The following GRTP1 variants were observed in gnomAD, a reference collection of about 807,000 sequenced individuals.
The protein encoded by GRTP1 is growth hormone-regulated TBC protein 1.
GRTP1 carries 56 observed loss-of-function variants against 38.1 expected under a neutral mutation model. The ratio of observed to expected loss-of-function variants is 1.47; its 90% CI spans 1.19 to 1.84. The LOEUF is 1.84. GRTP1 is among the 40% of genes most tolerant of loss of function. GRTP1 has a pLI of 0.00. For synonymous variants in GRTP1, 217 were observed against 189.5 expected (o/e 1.14, Z -1.19); for missense variants, 506 against 453.9 (o/e 1.11, Z -1.04).
In GRTP1 at chr13:113,348,430, G is replaced by A. The variant is rs61522749; in HGVS notation, c.465+2419C>T. On this transcript the variant is annotated intron_variant, in intron 4 of 7. Coordinates refer to ENST00000375431, the MANE Select transcript of GRTP1 (RefSeq NM_024719.4). The surrounding 1 kb of genome is among the most constrained non-coding windows in gnomAD (Gnocchi z 4.8). ...CACGCCACTGCACTCCAGCCTGGGT[G>A]ACAGAGCGAGACCGTGTGCACTGTG... 9.6e-3 allele frequency among the ~76,000 whole-genome samples: 1,456 copies of A among 152,274 alleles called. 37 individuals are homozygous for A. The highest frequency in any genetic ancestry group is 0.052 in the East Asian group (267 of 5,168).
Position 113,325,968 on chromosome 13 carries a change from A to C in GRTP1, c.686T>G (p.Leu229Arg). The C allele has an allele frequency of 1.9e-6, 3 of 1,613,876 alleles. No homozygotes were observed. Among genetic ancestry groups the C allele is most frequent in the Non-Finnish European group, 2.5e-6 (3 of 1,179,956 alleles). Residue 229 changes from leucine to arginine, a missense_variant, in exon 6 of 8, where the codon CTG (leucine) becomes CGG (arginine). Transcript: ENST00000375431. The part of the protein sequence containing the change: ...MERLGVLWTL[L>R]VSRWFICLFV... ...CAGGCAGATGAACCAGCGGGACACCAGCAGCGTCCACAGCACACCGAGACG... is the reference window on the plus strand; with the variant it reads ...CAGGCAGATGAACCAGCGGGACACCCGCAGCGTCCACAGCACACCGAGACG...
chr13:113,330,740 G>T lies in GRTP1; in HGVS notation c.563-4649C>A. Among the ~76,000 whole-genome samples the T allele has an allele frequency of 3.1e-4, 17 of 55,164 alleles. 8 individuals carry two copies. The highest frequency in any genetic ancestry group is 2.0e-3 in the South Asian group (2 of 1,018). 36.2% of individuals were successfully genotyped at this position (55,164 alleles called of 152,430 possible). ...GGTGTGTGCATGGAAACCCAGGTGT[G>T]TGCATGGGAGCCCAGGTGTGTGCGT... On this transcript the variant is annotated intron_variant, in intron 5 of 7. Coordinates refer to ENST00000375431, the MANE Select transcript of GRTP1 (RefSeq NM_024719.4).
chr13:113,324,884 T>C, intron 7 of GRTP1: 1 of 880,270 alleles, frequency 1.1e-6, no homozygotes, highest in Non-Finnish European at 1.4e-6. Flanking sequence ...TGGAGTGCAG[T>C]GGCGCGATCT....
chr13:113,352,900 C>T (rs918059456), intron 3 of GRTP1, among the ~76,000 whole-genome samples: 12 of 152,200 alleles, frequency 7.9e-5, no homozygotes, highest in African/African-American at 2.9e-4. Context: ...TAGGTAGGAG[C>T]CCACAGCTGA....
chr13:113,337,670 C>G (rs367730684), intron 5 of GRTP1, among the ~76,000 whole-genome samples: 6 of 152,364 alleles, frequency 3.9e-5, no homozygotes, highest in South Asian at 2.1e-4. Flanking sequence ...CCTGGTGACT[C>G]AGCGCAATCT....
Position 113,346,115 on chromosome 13 carries a change from CGGG to C in GRTP1, c.466-1159_466-1157del, listed in dbSNP as rs1566429189. On this transcript the variant is annotated intron_variant, in intron 4 of 7. Transcript: ENST00000375431. ...AGACATCTGTGGCCGAGAACAGACC[CGGG>C]AGGACCTCTGTGGACAAGAGCAGAC... 1.8e-4 allele frequency among the ~76,000 whole-genome samples: 23 copies of C among 124,672 alleles called. 3 individuals carry two copies. In the East Asian group the frequency reaches 1.9e-3, roughly 10 times the overall value. 81.8% of individuals were successfully genotyped at this position (124,672 alleles called of 152,430 possible).
rs1566425919 is a variant in GRTP1 at position 113,343,168 on chromosome 13, AAGC to A, written c.562+1692_562+1694del. Among the ~76,000 whole-genome samples the A allele has an allele frequency of 2.0e-5, 3 of 152,200 alleles. No homozygotes were observed. The highest frequency in any genetic ancestry group is 4.4e-5 in the Non-Finnish European group (3 of 68,028). ...CATGATTTGCACTCAGACATAACCG[AAGC>A]AGGCTGTGAGCCCGTTTCCATGTCC... On this transcript the variant is annotated intron_variant, in intron 5 of 7. Transcript: ENST00000375431. The surrounding 1 kb of genome is among the most constrained non-coding windows in gnomAD (Gnocchi z 4.8).
At chr13:113,359,692 G>A (rs1395238300) in intron 2 of GRTP1, 1 of 152,324 alleles carries the variant, frequency 6.6e-6, no homozygotes, top group African/African-American at 2.4e-5. Flanking sequence ...CCCTGAGCGT[G>A]CCTTGGTTTC....
At chr13:113,334,488 G>A (rs747967701) in intron 5 of GRTP1, among the ~76,000 whole-genome samples, 2 of 152,148 alleles carry the variant, frequency 1.3e-5, no homozygotes, top group Non-Finnish European at 2.9e-5. Context: ...GTTTCATCCT[G>A]CACTGAACCA....
chr13:113,333,843 G>A (rs1346813734), intron 5 of GRTP1, among the ~76,000 whole-genome samples: 74 of 89,200 alleles, frequency 8.3e-4, no homozygotes, highest in African/African-American at 3.1e-3. Flanking sequence ...TATTTAGTGT[G>A]TGTGTGTGTG....
chr13:113,334,280 A>ACTGCCCCCCCCCCCCCCCCCCGCC (rs1202504022), intron 5 of GRTP1, among the ~76,000 whole-genome samples: 1 of 142,480 alleles, frequency 7.0e-6, no homozygotes. Context: ...CACTGCCACG[A>ACTGCCCCCCCCCCCCCCCCCCGCC]CAGCCTCCCG....
At chr13:113,344,591 C>T (rs1438764431) in intron 5 of GRTP1, among the ~76,000 whole-genome samples, 1 of 151,630 alleles carries the variant, frequency 6.6e-6, no homozygotes, top group African/African-American at 2.4e-5. Flanking sequence ...CACACACCTA[C>T]AATCCCAGCT....
At chr13:113,355,833 G>A (rs1267963126) in intron 2 of GRTP1, 2 of 175,108 alleles carry the variant, frequency 1.1e-5, no homozygotes, top group Non-Finnish European at 2.4e-5. Context: ...GAGAGGCCCA[G>A]CTGAGTACAA....
In GRTP1 at chr13:113,348,404, T is replaced by C. The variant is rs979001713; in HGVS notation, c.465+2445A>G. ...AGGTTGAGGCTGCAGTGAGCCGAGA[T>C]CACGCCACTGCACTCCAGCCTGGGT... On this transcript the variant is annotated intron_variant, in intron 4 of 7. Transcript: ENST00000375431. The surrounding 1 kb of genome is among the most constrained non-coding windows in gnomAD (Gnocchi z 4.8). Among the ~76,000 whole-genome samples, 1 of 152,092 alleles carries C rather than the reference T, an allele frequency of 6.6e-6. No homozygotes were observed. Among genetic ancestry groups the C allele is most frequent in the African/African-American group, 2.4e-5 (1 of 41,400 alleles).
At chr13:113,350,247 A>C (rs1231294014) in intron 4 of GRTP1, among the ~76,000 whole-genome samples, 2 of 152,074 alleles carry the variant, frequency 1.3e-5, no homozygotes, top group African/African-American at 2.4e-5. Flanking sequence ...TACTAACAGC[A>C]ATGCCCTTAA....
chr13:113,363,393 G>A (rs551641641), intron 2 of GRTP1, among the ~76,000 whole-genome samples: 382 of 152,216 alleles, frequency 2.5e-3, no homozygotes, highest in African/African-American at 8.6e-3. Flanking sequence ...TTTTAGTAGA[G>A]ACGGGGTTTC....
At chr13:113,327,403 C>A (rs1395306292) in intron 5 of GRTP1, among the ~76,000 whole-genome samples, 2 of 152,212 alleles carry the variant, frequency 1.3e-5, no homozygotes, top group Non-Finnish European at 2.9e-5. Context: ...TGGTCTCGAA[C>A]TCCTGACCTC....
At chr13:113,363,627 A>T (rs1011286474) in intron 2 of GRTP1, 135 bp downstream of exon 2, 1 of 912,316 alleles carries the variant, frequency 1.1e-6, no homozygotes, top group Non-Finnish European at 1.6e-6. Context: ...CCTAGCTCGG[A>T]GCCCGCAGCT....
At chr13:113,332,292 A>G (rs72665263) in intron 5 of GRTP1, among the ~76,000 whole-genome samples, 2 of 118,820 alleles carry the variant, frequency 1.7e-5, no homozygotes, top group African/African-American at 6.7e-5. Flanking sequence ...GCACACACAC[A>G]CCACACGTGC....
Sources: allele counts gnomAD v4.1 joint callset (sites outside exome capture counted in the v4.1 genomes callset), GRCh38; gene constraint gnomAD v4.1.1; non-coding constraint Gnocchi (gnomAD v3.1); transcripts MANE v1.5; gene names NCBI Gene and HGNC (gene_info 2026-07-23, HGNC 2026-07-21).